The following SP3 variants were observed in gnomAD, a reference collection of about 807,000 sequenced individuals.
SP3 encodes the protein transcription factor Sp3.
Under a neutral mutation model 70.3 loss-of-function variants are expected in SP3, and 10 were observed. The ratio of observed to expected loss-of-function variants is 0.14; its 90% CI spans 0.09 to 0.24. The LOEUF (loss-of-function observed/expected upper bound fraction) is 0.24. SP3 is among the 10% of genes least tolerant of loss of function. The pLI is 1.00. For synonymous variants in SP3, 402 were observed against 333.5 expected, an observed-to-expected ratio of 1.21 and a Z score of -2.24; for missense variants, 825 against 914.6, an observed-to-expected ratio of 0.90 and a Z score of 1.26.
chr2:173,913,301 T>A, intron 5 of SP3, 35 bp from the exon 6 acceptor site: 1 of 1,382,344 alleles, frequency 7.2e-7, no homozygotes, highest in East Asian at 2.7e-5. Context: ...TATACTTATA[T>A]GAAAATATTC....
In SP3 at chr2:173,906,591, A is replaced by G. The variant is rs147867726; in HGVS notation, c.*3350T>C. ...ATAACATGTCAGTTTATATTATTTT[A>G]AAACCAAATGTTATTCCATAATCAT... is the stretch of plus-strand genomic sequence containing the variant. On this transcript the variant is annotated 3_prime_UTR_variant, in exon 7 of 7. Coordinates refer to ENST00000310015, the MANE Select transcript of SP3 (RefSeq NM_003111.5). 2.6e-3 allele frequency: 393 copies of G among 152,362 alleles called. 1 individual carries two copies. The highest frequency in any genetic ancestry group is 9.0e-3 in the African/African-American group (375 of 41,588). The allele number at this position is 152,362 out of a possible 1,614,324, so 9.4% of individuals were successfully genotyped here.
At chr2:173,965,508 G>A (rs2105512553), upstream of SP3, 1 of 304,766 alleles carries the variant, frequency 3.3e-6, no homozygotes, top group South Asian at 4.5e-5. Flanking sequence ...CCGGGTGGAA[G>A]GGGAGAGACA....
chr2:173,964,345 G>T, intron 2 of SP3, 60 bp downstream of exon 2: 1 of 649,386 alleles, frequency 1.5e-6, no homozygotes, highest in Non-Finnish European at 2.8e-6. Context: ...GAGGGGAGAG[G>T]CGAGGGGAGG....
chr2:173,927,211 C>A (rs78561826), intron 4 of SP3, among the ~76,000 whole-genome samples: 2,215 of 152,166 alleles, frequency 0.015, 69 homozygotes, highest in African/African-American at 0.051. Context: ...TCCTTCCTCC[C>A]ACATTGGGGA....
chr2:173,922,926 T>C (rs1689798587), intron 4 of SP3, among the ~76,000 whole-genome samples: 1 of 152,180 alleles, frequency 6.6e-6, no homozygotes, highest in South Asian at 2.1e-4. Flanking sequence ...GTTCCTAGGT[T>C]AGCCCACAAG....
Position 173,933,024 on chromosome 2 carries a change from T to C in SP3, c.1640-14239A>G, listed in dbSNP as rs147005385. ...AAATAAAAAATAATAATGAAAAGGT[T>C]TGAAATATTCCAAGAATTGCCAAAA... On this transcript the variant is annotated intron_variant, in intron 4 of 6. Coordinates refer to ENST00000310015, the MANE Select transcript of SP3 (RefSeq NM_003111.5). Among the ~76,000 whole-genome samples, 353 of 152,104 alleles carry C rather than the reference T, an allele frequency of 2.3e-3. 1 individual carries two copies. The highest frequency in any genetic ancestry group is 3.8e-3 in the Non-Finnish European group (258 of 67,980).
chr2:173,919,767 T>C (rs992682364), intron 4 of SP3, among the ~76,000 whole-genome samples: 2 of 151,578 alleles, frequency 1.3e-5, no homozygotes, highest in Non-Finnish European at 3.0e-5. Flanking sequence ...GGTGTGTAGA[T>C]CAGTACAACC....
chr2:173,940,426 G>A (rs1690337977), intron 4 of SP3, among the ~76,000 whole-genome samples: 2 of 152,208 alleles, frequency 1.3e-5, no homozygotes, highest in South Asian at 4.1e-4. Context: ...AGGAGGCGGA[G>A]CTCAGCCAGT....
At chr2:173,910,368 G>C (rs766361342) in intron 6 of SP3, 111 bp from the exon 7 acceptor site, 7 of 782,158 alleles carry the variant, frequency 8.9e-6, no homozygotes, top group Non-Finnish European at 1.4e-5. Context: ...GATGGGAGCA[G>C]GGGTCTATTA....
chr2:173,942,599 T>C (rs1690405557), intron 4 of SP3, among the ~76,000 whole-genome samples: 1 of 152,142 alleles, frequency 6.6e-6, no homozygotes, highest in Admixed American at 6.6e-5. Flanking sequence ...CTGTATACAC[T>C]AATGACACCC....
rs536251170 is a variant in SP3, at chr2:173,940,214, C to T, written c.1639+14659G>A. Among the ~76,000 whole-genome samples the T allele has an allele frequency of 2.6e-5, 4 of 152,278 alleles. No homozygotes were observed. The South Asian group carries it at 8.3e-4, about 32-fold the overall frequency. ...GTAGTCTAGGACAGCGGTCCCCAAC[C>T]TTTTTGGCACCAGGGACCAGTTTCA... is the stretch of plus-strand genomic sequence containing the variant. On this transcript the variant is annotated intron_variant, in intron 4 of 6. Transcript: ENST00000310015.
Position 173,900,864 on chromosome 2 carries a change from ATT to A in SP3, c.*9075_*9076del, listed in dbSNP as rs1473621665. 3.9e-5 allele frequency among the ~76,000 whole-genome samples: 6 copies of A among 152,246 alleles called. No individual in the cohort carries two copies. Among genetic ancestry groups the A allele is most frequent in the African/African-American group, 1.4e-4 (6 of 41,468 alleles). On this transcript the variant is annotated 3_prime_UTR_variant, in exon 7 of 7. Coordinates refer to ENST00000310015, the MANE Select transcript of SP3 (RefSeq NM_003111.5). The stretch of plus-strand genomic sequence containing the variant: ...GAATTATCATGGATAGAAAGATAAC[ATT>A]CTTTCCCCAAATTAATCTATAGATT...
chr2:173,925,785 T>A (rs958235984), intron 4 of SP3, among the ~76,000 whole-genome samples: 13 of 152,176 alleles, frequency 8.5e-5, no homozygotes, highest in African/African-American at 2.2e-4. Flanking sequence ...TAGGGACTAG[T>A]TTTCCCCTCC....
intron 2 of SP3, 56 bp downstream of exon 2, chr2:173,964,349 G>A (rs1482770943): frequency 9.1e-6 from 6 of 655,836 alleles, no homozygotes; most frequent in Non-Finnish European, 1.6e-5. Context: ...GGAGAGGCGA[G>A]GGGAGGAGAA....
Position 173,910,090 on chromosome 2 carries a change from T to C in SP3, c.2197A>G (p.Thr733Ala). ...RDDTLITAGG[T>A]TLILANIQQG... ...TGAATATTTGCAAGGATAAGCGTTG[T>C]TCCTCCTGCAGTAATCAAAGTATCA... Residue 733 changes from threonine (T) to alanine (A), a missense_variant, in exon 7 of 7, where the codon ACA (threonine) becomes GCA (alanine). By Grantham distance (58) the Thr-to-Ala change is moderately conservative. This residue lies in a region of SP3 where 91 missense variants were observed against 97.4 expected (regional missense o/e 0.93). Coordinates refer to ENST00000310015, the MANE Select transcript of SP3 (RefSeq NM_003111.5). 6.2e-7 allele frequency: 1 copy of C among 1,612,952 alleles called. No homozygotes were observed.
chr2:173,943,753 C>T (rs903137840), intron 4 of SP3, among the ~76,000 whole-genome samples: 4 of 152,346 alleles, frequency 2.6e-5, no homozygotes, highest in African/African-American at 9.6e-5. Context: ...CTGCAAAGAA[C>T]ATTACCTAGA....
intron 5 of SP3, chr2:173,916,405 T>C (rs749006951): frequency 1.3e-5 from 2 of 152,006 alleles, no homozygotes; most frequent in Non-Finnish European, 2.9e-5. Flanking sequence ...TCTTTACTTG[T>C]GTAATAACAA....
At chr2:173,950,930 T>C (rs16862209) in intron 4 of SP3, among the ~76,000 whole-genome samples, 4,629 of 152,294 alleles carry the variant, frequency 0.03, 258 homozygotes, top group African/African-American at 0.11. Flanking sequence ...CTTTCTCAAA[T>C]AATTTCCCCG....
intron 4 of SP3, among the ~76,000 whole-genome samples, chr2:173,927,525 G>T (rs1261181281): frequency 6.6e-6 from 1 of 151,936 alleles, no homozygotes; most frequent in East Asian, 1.9e-4. Flanking sequence ...TGATCTGCCG[G>T]CCTCGGTCTC....
Sources: allele counts gnomAD v4.1 joint callset (sites outside exome capture counted in the v4.1 genomes callset), GRCh38; gene constraint gnomAD v4.1.1; regional missense constraint gnomAD v4.1.1; transcripts MANE v1.5; gene names NCBI Gene and HGNC (gene_info 2026-07-23, HGNC 2026-07-21).